CD9: variants seen among roughly 807,000 people sequenced by gnomAD.
CD9 encodes the protein CD9 antigen.
Under a neutral mutation model 31.4 loss-of-function variants are expected in CD9, and 10 were observed. The ratio of observed to expected loss-of-function variants is 0.32; its 90% CI spans 0.20 to 0.54. CD9 has a LOEUF of 0.54. Among genes scored for constraint, CD9 ranks in the 20% least tolerant of loss-of-function variants. CD9 has a pLI of 0.94. For missense variants in CD9, 259 were observed against 300.1 expected, an observed-to-expected ratio of 0.86 and a Z score of 1.01; for synonymous variants, 113 against 114.1, an observed-to-expected ratio of 0.99 and a Z score of 0.06.
chr12:6,237,547 G>A (rs750583712), intron 7 of CD9, among the ~76,000 whole-genome samples: 5 of 152,216 alleles, frequency 3.3e-5, no homozygotes, highest in Non-Finnish European at 5.9e-5. Context: ...TGCTTGTGCA[G>A]CTGACTGCCA....
intron 1 of CD9, chr12:6,225,125 T>G: frequency 2.9e-6 from 1 of 342,736 alleles, no homozygotes; most frequent in South Asian, 6.2e-5. Flanking sequence ...GATGCACTCA[T>G]GGTGTTGCGT....
In CD9 at chr12:6,232,693, C is replaced by T. The variant is rs769977894; in HGVS notation, c.237C>T (p.Cys79=). The part of the protein sequence containing the change: ...LMMLVGFLGC[C]GAVQESQCML... ...TGCTGGTGGGCTTCCTGGGCTGCTG[C>T]GGGGCTGTGCAGGAGTCCCAGTGCA... The change falls in exon 3 of 8, where the codon TGC becomes TGT. Residue 79 remains cysteine, a synonymous_variant. Coordinates refer to ENST00000009180, the MANE Select transcript of CD9 (RefSeq NM_001769.4). The surrounding 1 kb of genome is among the most constrained non-coding windows in gnomAD (Gnocchi z 4.8). 60 of 1,576,606 alleles carry T rather than the reference C, an allele frequency of 3.8e-5. 1 individual carries two copies. In the Middle Eastern group the frequency reaches 5.2e-4, roughly 14 times the overall value.
chr12:6,229,257 T>G (rs1289281040), intron 2 of CD9, among the ~76,000 whole-genome samples: 2 of 152,086 alleles, frequency 1.3e-5, no homozygotes, highest in Admixed American at 6.5e-5. Flanking sequence ...CCCCCCTTCC[T>G]CGGCCAGCCC....
At chr12:6,236,957 TACG>T (rs1946530700) in intron 7 of CD9, among the ~76,000 whole-genome samples, 1 of 152,142 alleles carries the variant, frequency 6.6e-6, no homozygotes, top group South Asian at 2.1e-4. Flanking sequence ...CAGCAAAATA[TACG>T]ACAATACCTT....
At chr12:6,225,338 G>A in intron 1 of CD9, 88 bp from the exon 2 acceptor site, 1 of 841,996 alleles carries the variant, frequency 1.2e-6, no homozygotes, top group Non-Finnish European at 2.1e-6. Context: ...TGGTCACAAA[G>A]TCCTTTGCAA....
intron 1 of CD9, among the ~76,000 whole-genome samples, chr12:6,222,345 G>A (rs980682200): frequency 1.3e-5 from 2 of 152,180 alleles, no homozygotes; most frequent in Non-Finnish European, 2.9e-5. Context: ...TCATGCCCCT[G>A]GCCCTCCCTT....
chr12:6,200,422 C>T lies in CD9; in HGVS notation c.-78C>T, dbSNP rs1946061507. 5 of 912,838 alleles carry T rather than the reference C, an allele frequency of 5.5e-6. No homozygotes were observed. The highest frequency in any genetic ancestry group is 5.3e-5 in the Admixed American group (3 of 56,824). The allele number at this position is 912,838 out of a possible 1,614,324, so 56.5% of individuals were successfully genotyped here. A position where few individuals can be genotyped will look rare whatever the true frequency, so the allele number is the denominator to read the frequency against. ...TACAGCCGCCTGCATCTGTATCCAG[C>T]GCCAGGTCCCGCCAGTCCCAGCTGC... On this transcript the variant is annotated 5_prime_UTR_variant, in exon 1 of 8. Coordinates refer to ENST00000009180, the MANE Select transcript of CD9 (RefSeq NM_001769.4).
chr12:6,229,063 T>C (rs1946407281), intron 2 of CD9, among the ~76,000 whole-genome samples: 1 of 152,220 alleles, frequency 6.6e-6, no homozygotes, highest in Non-Finnish European at 1.5e-5. Flanking sequence ...GGGCCTTCTC[T>C]CCAATCCAGG....
intron 1 of CD9, among the ~76,000 whole-genome samples, chr12:6,220,065 T>C (rs903373031): frequency 6.6e-6 from 1 of 152,032 alleles, no homozygotes; most frequent in African/African-American, 2.4e-5. Flanking sequence ...AAACCCCAGA[T>C]AGAGGAAGGG....
chr12:6,231,958 G>A (rs1946451627), intron 2 of CD9, among the ~76,000 whole-genome samples: 1 of 152,206 alleles, frequency 6.6e-6, no homozygotes, highest in Non-Finnish European at 1.5e-5. Flanking sequence ...TAGCATCAGT[G>A]TTAGGGCCAA....
rs550436276 is a variant in CD9 at position 6,203,549 on chromosome 12, C to T, written c.66+2984C>T. ...GGTTATTGGGGGGCTGTGCCTCTTC[C>T]CTGGCCTGATCTCATCCCTGTGGGT... On this transcript the variant is annotated intron_variant, in intron 1 of 7. Coordinates refer to ENST00000009180, the MANE Select transcript of CD9 (RefSeq NM_001769.4). Among the ~76,000 whole-genome samples, 154 of 152,272 alleles carry T rather than the reference C, an allele frequency of 1.0e-3. 4 individuals carry two copies. In the South Asian group the frequency reaches 0.031, roughly 31 times the overall value.
In CD9 at chr12:6,213,548, C is replaced by G. The variant is rs543068101; in HGVS notation, c.67-11878C>G. On this transcript the variant is annotated intron_variant, in intron 1 of 7. Coordinates refer to ENST00000009180, the MANE Select transcript of CD9 (RefSeq NM_001769.4). ...AAGGAAAATCTACTTCATGTCCACACCAAGAAGGGTGGCCTCAATGCCTCT... is the reference window on the plus strand; with the variant it reads ...AAGGAAAATCTACTTCATGTCCACAGCAAGAAGGGTGGCCTCAATGCCTCT... Among the ~76,000 whole-genome samples the G allele has an allele frequency of 3.3e-5, 5 of 152,310 alleles. No homozygotes were observed. The South Asian group carries it at 1.0e-3, about 32-fold the overall frequency.
At chr12:6,218,063 A>G (rs1422929800) in intron 1 of CD9, among the ~76,000 whole-genome samples, 2 of 152,030 alleles carry the variant, frequency 1.3e-5, no homozygotes, top group African/African-American at 4.8e-5. Flanking sequence ...CATCTCTACA[A>G]ATAATTTTTA....
chr12:6,200,252 G>GGGCGGGA (rs1946058573), upstream of CD9: 1 of 201,022 alleles, frequency 5.0e-6, no homozygotes, highest in African/African-American at 2.4e-5. Context: ...GGGGGGCGGG[G>GGGCGGGA]GGGGTGCGGC....
chr12:6,217,585 C>T (rs1156342197), intron 1 of CD9, among the ~76,000 whole-genome samples: 1 of 152,132 alleles, frequency 6.6e-6, no homozygotes, highest in African/African-American at 2.4e-5. Context: ...AAGAAGCAGG[C>T]CCTAGGTGGC....
chr12:6,212,300 C>T (rs1946201851), intron 1 of CD9, among the ~76,000 whole-genome samples: 1 of 152,218 alleles, frequency 6.6e-6, no homozygotes, highest in African/African-American at 2.4e-5. Context: ...TTCTAACTAG[C>T]TCTCAGGCTC....
intron 1 of CD9, among the ~76,000 whole-genome samples, chr12:6,207,618 C>G (rs1222650407): frequency 6.6e-6 from 1 of 152,222 alleles, no homozygotes; most frequent in East Asian, 1.9e-4. Flanking sequence ...CCTCCAAATG[C>G]AGACGGAAAG....
chr12:6,232,840 T>G lies in CD9; in HGVS notation c.273+111T>G. The G allele has an allele frequency of 1.3e-6, 1 of 773,232 alleles. No individual in the cohort carries two copies. The highest frequency in any genetic ancestry group is 2.2e-6 in the Non-Finnish European group (1 of 449,804). The allele number at this position is 773,232 out of a possible 1,614,324, so 47.9% of individuals were successfully genotyped here. A position where few individuals can be genotyped will look rare whatever the true frequency, so the allele number is the denominator to read the frequency against. Reference sequence around the variant, plus strand: ...ATGGAGGGGGATGGGGTCAGGAAGGTACCCAAAGGGCATGAGCTGTCCTCA... The same window carrying G: ...ATGGAGGGGGATGGGGTCAGGAAGGGACCCAAAGGGCATGAGCTGTCCTCA... On this transcript the variant is annotated intron_variant, in intron 3 of 7. Coordinates refer to ENST00000009180, the MANE Select transcript of CD9 (RefSeq NM_001769.4). The surrounding 1 kb of genome is among the most constrained non-coding windows in gnomAD (Gnocchi z 4.8).
chr12:6,206,210 A>C (rs1393067447), intron 1 of CD9: 1 of 149,040 alleles, frequency 6.7e-6, no homozygotes, highest in Non-Finnish European at 1.5e-5. Flanking sequence ...GTCTTTATAC[A>C]TTTCTTTCTT....
Sources: allele counts gnomAD v4.1 joint callset (sites outside exome capture counted in the v4.1 genomes callset), GRCh38; gene constraint gnomAD v4.1.1; non-coding constraint Gnocchi (gnomAD v3.1); transcripts MANE v1.5; gene names NCBI Gene and HGNC (gene_info 2026-07-23, HGNC 2026-07-21).